Variants in CDIN1 observed in about 807,000 individuals in gnomAD.
CDIN1 encodes the protein CDAN1 interacting nuclease 1, also known as CDAN1-interacting nuclease 1.
A neutral mutation model predicts 45.3 loss-of-function variants in CDIN1; 33 were observed. That is an observed-to-expected ratio of 0.73 (90% confidence interval 0.55 to 0.97). The LOEUF is 0.97. Ranked by LOEUF, CDIN1 falls within the 50% of genes least tolerant of loss-of-function variation. The pLI is 0.00. For missense variants in CDIN1, 303 were observed against 339.4 expected, an observed-to-expected ratio of 0.89 and a Z score of 0.84; for synonymous variants, 118 against 124.4, an observed-to-expected ratio of 0.95 and a Z score of 0.34.
chr15:36,618,342 G>C, intron 1 of CDIN1: 1 of 678,860 alleles, frequency 1.5e-6, no homozygotes, highest in South Asian at 1.7e-5. Flanking sequence ...AGTAACTGGG[G>C]ATTAGGAGCA....
intron 10 of CDIN1, among the ~76,000 whole-genome samples, chr15:36,766,341 A>T (rs1347499447): frequency 6.6e-6 from 1 of 152,144 alleles, no homozygotes; most frequent in Admixed American, 6.5e-5. Context: ...TATCTTAGTT[A>T]CTGTGAATAT....
chr15:36,709,778 T>C (rs1422069159), intron 9 of CDIN1, 78 bp from the exon 10 acceptor site: 3 of 1,065,688 alleles, frequency 2.8e-6, no homozygotes, highest in African/African-American at 3.1e-5. Flanking sequence ...ATGTGAAGCA[T>C]AGAGAGGCCT....
chr15:36,672,955 G>A (rs568406146), intron 5 of CDIN1, among the ~76,000 whole-genome samples: 13 of 152,016 alleles, frequency 8.6e-5, no homozygotes, highest in Non-Finnish European at 1.6e-4. Context: ...TCTCTTTCAC[G>A]TGGATCTGAA....
At chr15:36,621,577 T>G (rs2039193749) in intron 1 of CDIN1, among the ~76,000 whole-genome samples, 1 of 152,178 alleles carries the variant, frequency 6.6e-6, no homozygotes, top group African/African-American at 2.4e-5. Flanking sequence ...TTTAGGTCCT[T>G]TAAAAAAATG....
chr15:36,788,247 G>C (rs1287412449), intron 10 of CDIN1, among the ~76,000 whole-genome samples: 1 of 150,544 alleles, frequency 6.6e-6, no homozygotes, highest in Admixed American at 6.6e-5. Flanking sequence ...CTCCCGAGTA[G>C]CTGGGATGAC....
At chr15:36,676,562 T>C (rs1161849899) in intron 5 of CDIN1, among the ~76,000 whole-genome samples, 1 of 152,214 alleles carries the variant, frequency 6.6e-6, no homozygotes. Context: ...CAGTAGCCAC[T>C]GTGGTATCAC....
chr15:36,709,746 AGG>A, intron 9 of CDIN1, 108 bp from the exon 10 acceptor site: 1 of 717,618 alleles, frequency 1.4e-6, no homozygotes, highest in African/African-American at 1.8e-5. Flanking sequence ...GATGATGGTA[AGG>A]GCTAAGCCTG....
chr15:36,799,250 T>C (rs986282261), intron 10 of CDIN1: 29 of 151,820 alleles, frequency 1.9e-4, no homozygotes, highest in African/African-American at 4.1e-4. Flanking sequence ...GTAAGTGTTT[T>C]CAAAGTAAAC....
intron 1 of CDIN1, 22 bp downstream of exon 1, chr15:36,579,983 C>A: frequency 6.2e-7 from 1 of 1,601,102 alleles, no homozygotes; most frequent in South Asian, 1.1e-5. Flanking sequence ...TCTCTCCCCT[C>A]TCACAGCCCT....
At chr15:36,648,083 G>A (rs992591438) in intron 3 of CDIN1, among the ~76,000 whole-genome samples, 1 of 151,842 alleles carries the variant, frequency 6.6e-6, no homozygotes, top group African/African-American at 2.4e-5. Flanking sequence ...TTGTGATCCG[G>A]CCGCCTCGGC....
At chr15:36,724,314 G>T (rs1355276965) in intron 10 of CDIN1, among the ~76,000 whole-genome samples, 1 of 152,154 alleles carries the variant, frequency 6.6e-6, no homozygotes, top group Non-Finnish European at 1.5e-5. Flanking sequence ...AATGGAAGGG[G>T]ACCGTATAGA....
chr15:36,722,770 T>C (rs1300662093), intron 10 of CDIN1, among the ~76,000 whole-genome samples: 1 of 152,174 alleles, frequency 6.6e-6, no homozygotes, highest in East Asian at 1.9e-4. Flanking sequence ...GGAAAATGAG[T>C]CATGAATGCA....
chr15:36,643,556 A>G (rs979865682), intron 1 of CDIN1, among the ~76,000 whole-genome samples: 1 of 152,266 alleles, frequency 6.6e-6, no homozygotes, highest in African/African-American at 2.4e-5. Context: ...TTTTAGAGAA[A>G]GAAAAATTCC....
chr15:36,664,601 C>T (rs1487642220), intron 5 of CDIN1, among the ~76,000 whole-genome samples: 1 of 152,064 alleles, frequency 6.6e-6, no homozygotes. Flanking sequence ...GGCTGGAGTG[C>T]AGTGGCACAT....
intron 10 of CDIN1, among the ~76,000 whole-genome samples, chr15:36,785,855 TGTACC>T (rs199668792): frequency 0.033 from 4,982 of 152,296 alleles, 99 homozygotes; most frequent in Non-Finnish European, 0.05. Flanking sequence ...TGACACACAC[TGTACC>T]ATAAAGGCAA....
intron 10 of CDIN1, among the ~76,000 whole-genome samples, chr15:36,804,801 T>C (rs2055174750): frequency 6.8e-6 from 1 of 146,904 alleles, no homozygotes; most frequent in Non-Finnish European, 1.5e-5. Flanking sequence ...GCCTCTAGAG[T>C]AGCTAGGACT....
intron 10 of CDIN1, among the ~76,000 whole-genome samples, chr15:36,789,909 G>A (rs182173704): frequency 2.0e-5 from 3 of 152,226 alleles, no homozygotes; most frequent in Admixed American, 1.3e-4. Context: ...AAAAGAATTC[G>A]CCTTTCAAAT....
intron 5 of CDIN1, among the ~76,000 whole-genome samples, chr15:36,663,748 A>G (rs113427667): frequency 2.0e-5 from 3 of 152,332 alleles, no homozygotes; most frequent in African/African-American, 7.2e-5. Flanking sequence ...GAAGGAGAGT[A>G]CTATTACAGA....
At chr15:36,712,332 A>ATCGGC (rs2043084248) in intron 10 of CDIN1, among the ~76,000 whole-genome samples, 1 of 122,064 alleles carries the variant, frequency 8.2e-6, no homozygotes. Context: ...GTAGTGTGAT[A>ATCGGC]TCGGCTCACT....
Sources: gnomAD v4.1 joint callset for allele counts (sites outside exome capture counted in the v4.1 genomes callset) on GRCh38, gnomAD v4.1.1 for gene constraint, MANE v1.5 for transcripts, NCBI Gene and HGNC (gene_info 2026-07-23, HGNC 2026-07-21) for gene names.